Variants in RAB38 observed in about 807,000 individuals in gnomAD.
The protein encoded by RAB38 is ras-related protein Rab-38.
RAB38 carries 15 observed loss-of-function variants against 18.4 expected under a neutral mutation model. That is an observed-to-expected ratio of 0.82 (90% CI 0.55 to 1.26). The LOEUF is 1.26. Ranked by LOEUF, RAB38 falls within the 50% of genes most tolerant of loss-of-function variation. The probability of loss-of-function intolerance (pLI) is 0.00; values close to 1 mark genes in which losing one functional copy is unlikely to be tolerated. For synonymous variants in RAB38, 101 were observed against 104.4 expected, an observed-to-expected ratio of 0.97 and a Z score of 0.20; for missense variants, 294 against 267.4, an observed-to-expected ratio of 1.10 and a Z score of -0.69.
chr11:87,870,094 A>G, the RAB38 span, among the ~76,000 whole-genome samples: 1 of 151,814 alleles, frequency 6.6e-6, no homozygotes, highest in African/African-American at 2.4e-5. Context: ...ATGTTTTTAA[A>G]ATTAATACTA....
chr11:87,843,928 A>AACTT, the RAB38 span, among the ~76,000 whole-genome samples: 1 of 152,198 alleles, frequency 6.6e-6, no homozygotes, highest in Non-Finnish European at 1.5e-5. Context: ...ACTGCCTTTT[A>AACTT]ACTTAAAAAA....
At position 88,175,174 on chromosome 11, in the gene RAB38, C is replaced by G. The variant is rs374241827; in HGVS notation, c.202+9G>C. On this transcript the variant is annotated intron_variant, in intron 1 of 2. Transcript: ENST00000243662. ...CTCTATCCCCCTGACCCCCTCCCCCCGCGCTCACCTGCGATATCCCAGAGC... is the reference window on the plus strand; with the variant it reads ...CTCTATCCCCCTGACCCCCTCCCCCGGCGCTCACCTGCGATATCCCAGAGC... The G allele has an allele frequency of 6.3e-7, 1 of 1,588,814 alleles. No homozygotes were observed. The highest frequency in any genetic ancestry group is 8.6e-7 in the Non-Finnish European group (1 of 1,165,984).
the RAB38 span, among the ~76,000 whole-genome samples, chr11:88,047,146 C>T: frequency 7.2e-5 from 11 of 152,172 alleles, no homozygotes; most frequent in Non-Finnish European, 1.6e-4. Flanking sequence ...TTCTTCCTCA[C>T]ACCTGACACA....
the RAB38 span, among the ~76,000 whole-genome samples, chr11:87,878,313 CTATCATCTATCAAT>C: frequency 7.7e-6 from 1 of 130,384 alleles, no homozygotes; most frequent in Non-Finnish European, 1.8e-5. Context: ...TATCATCTAT[CTATCATCTATCAAT>C]CTATCATCTA....
the RAB38 span, among the ~76,000 whole-genome samples, chr11:87,951,246 T>G: frequency 6.6e-6 from 1 of 152,200 alleles, no homozygotes; most frequent in African/African-American, 2.4e-5. Flanking sequence ...TCAGGTCCTT[T>G]AAGGACTTCT....
the RAB38 span, chr11:87,815,280 C>A: frequency 2.0e-5 from 3 of 151,968 alleles, no homozygotes; most frequent in African/African-American, 7.3e-5. Flanking sequence ...AATGGGAGAT[C>A]AAAGGGCTAG....
the RAB38 span, among the ~76,000 whole-genome samples, chr11:88,003,771 AT>A: frequency 0.028 from 305 of 10,744 alleles, 50 homozygotes; most frequent in African/African-American, 0.036. Context: ...TATATTGTAT[AT>A]ATTATATATA....
the RAB38 span, among the ~76,000 whole-genome samples, chr11:87,908,322 C>T: frequency 6.6e-6 from 1 of 152,082 alleles, no homozygotes; most frequent in East Asian, 1.9e-4. Context: ...CTTGACCTCA[C>T]AGAAGGGGTT....
At chr11:87,820,711 C>T in the RAB38 span, among the ~76,000 whole-genome samples, 2 of 152,016 alleles carry the variant, frequency 1.3e-5, no homozygotes, top group African/African-American at 4.8e-5. Flanking sequence ...GAACAGCAAA[C>T]AAAATTTTAT....
chr11:88,100,543 T>C, the RAB38 span, among the ~76,000 whole-genome samples: 1 of 152,008 alleles, frequency 6.6e-6, no homozygotes, highest in African/African-American at 2.4e-5. Flanking sequence ...CCTGCTGTGA[T>C]TAAAATAGAT....
At chr11:88,124,597 G>A (rs971325959) in intron 2 of RAB38, among the ~76,000 whole-genome samples, 3 of 152,178 alleles carry the variant, frequency 2.0e-5, no homozygotes, top group South Asian at 2.1e-4. Context: ...AGAACCTGTC[G>A]ACCCAACCCT....
the RAB38 span, among the ~76,000 whole-genome samples, chr11:87,806,818 T>C: frequency 6.6e-6 from 1 of 152,236 alleles, no homozygotes; most frequent in African/African-American, 2.4e-5. Flanking sequence ...GAGTGAAGAA[T>C]GTACTGCTAA....
At chr11:88,065,629 C>G in the RAB38 span, among the ~76,000 whole-genome samples, 1 of 152,158 alleles carries the variant, frequency 6.6e-6, no homozygotes, top group Admixed American at 6.5e-5. Flanking sequence ...AATTATGGGA[C>G]GTATGTCCTC....
At chr11:88,068,971 G>C in the RAB38 span, among the ~76,000 whole-genome samples, 1 of 152,206 alleles carries the variant, frequency 6.6e-6, no homozygotes, top group East Asian at 1.9e-4. Context: ...CCCTTCAGCC[G>C]GCCGCTGCAG....
the RAB38 span, chr11:88,061,574 A>G: frequency 6.6e-6 from 1 of 152,254 alleles, no homozygotes; most frequent in African/African-American, 2.4e-5. Flanking sequence ...GTGATAGATT[A>G]TAATAGAGGA....
chr11:88,121,479 T>C (rs1268469447), intron 2 of RAB38, among the ~76,000 whole-genome samples: 1 of 152,206 alleles, frequency 6.6e-6, no homozygotes, highest in Non-Finnish European at 1.5e-5. Context: ...TTGCAGCCCA[T>C]GTTCAGACAC....
In RAB38 at chr11:88,114,068, C is replaced by T; in HGVS notation, c.556G>A (p.Glu186Lys). The T allele has an allele frequency of 6.2e-7, 1 of 1,614,178 alleles. No homozygotes were observed. The highest frequency in any genetic ancestry group is 8.5e-7 in the Non-Finnish European group (1 of 1,180,024). The change falls in exon 3 of 3, where the codon GAG (glutamate) becomes AAG (lysine). Residue 186 changes from glutamate to lysine, a missense_variant. Coordinates refer to ENST00000243662, the MANE Select transcript of RAB38 (RefSeq NM_022337.3). ...HILANECDLM[E>K]SIEPDVVKPH... is the part of the protein sequence containing the mutation. ...TTCACGACGTCCGGCTCAATAGACTCCATTAGGTCACACTCATTTGCAAGT... is the reference window on the plus strand; with the variant it reads ...TTCACGACGTCCGGCTCAATAGACTTCATTAGGTCACACTCATTTGCAAGT...
chr11:88,045,802 G>A, the RAB38 span, among the ~76,000 whole-genome samples: 1 of 152,162 alleles, frequency 6.6e-6, no homozygotes, highest in East Asian at 1.9e-4. Flanking sequence ...TCAAGGGCCT[G>A]TTTCCTTTGC....
intron 2 of RAB38, among the ~76,000 whole-genome samples, chr11:88,135,260 G>A (rs935204092): frequency 6.6e-6 from 1 of 152,074 alleles, no homozygotes. Context: ...ATCTCCACCT[G>A]ACAAACTATA....
Sources: allele counts gnomAD v4.1 joint callset (sites outside exome capture counted in the v4.1 genomes callset), GRCh38; gene constraint gnomAD v4.1.1; transcripts MANE v1.5; gene names NCBI Gene and HGNC (gene_info 2026-07-23, HGNC 2026-07-21).